Variants in NMT1 observed in about 807,000 individuals in gnomAD.
NMT1 encodes the protein N-myristoyltransferase 1.
Under a neutral mutation model 63.4 loss-of-function variants are expected in NMT1, and 12 were observed. The ratio of observed to expected loss-of-function variants is 0.19; its 90% CI spans 0.12 to 0.31. The LOEUF (loss-of-function observed/expected upper bound fraction) is 0.31. Ranked by LOEUF, NMT1 falls within the 10% of genes least tolerant of loss-of-function variation. NMT1 has a pLI of 1.00. For synonymous variants in NMT1, 228 were observed against 234.3 expected, an observed-to-expected ratio of 0.97 and a Z score of 0.25; for missense variants, 432 against 634.6, an observed-to-expected ratio of 0.68 and a Z score of 3.43.
rs755614283 is a variant in NMT1 at position 45,104,148 on chromosome 17, C to A, written c.1332+272C>A. 9.6e-6 allele frequency: 13 copies of A among 1,347,160 alleles called. No homozygotes were observed. The highest frequency in any genetic ancestry group is 1.5e-5 in the African/African-American group (1 of 67,756). 83.5% of individuals were successfully genotyped at this position (1,347,160 alleles called of 1,614,324 possible). On this transcript the variant is annotated intron_variant, in intron 10 of 11. Coordinates refer to ENST00000258960, the MANE Select transcript of NMT1 (RefSeq NM_021079.5). This position sits in a 1 kb window ranked among gnomAD's most constrained non-coding sequence, Gnocchi z 4.2. ...GGCGCCACCAAGGAGCCTGAATAGC[C>A]AGGCCTTCCCTGGGAGGACAGGGCT...
intron 1 of NMT1, among the ~76,000 whole-genome samples, chr17:45,067,740 A>G (rs1322889617): frequency 1.3e-5 from 2 of 152,208 alleles, no homozygotes; most frequent in Non-Finnish European, 1.5e-5. Context: ...CTCATCACTG[A>G]TATCAAATAA....
At chr17:45,064,400 G>A (rs768997474) in intron 1 of NMT1, among the ~76,000 whole-genome samples, 1 of 152,150 alleles carries the variant, frequency 6.6e-6, no homozygotes, top group Non-Finnish European at 1.5e-5. Flanking sequence ...TCTAATTCTG[G>A]CACTAAGAAT....
rs1156492977 is a variant in NMT1, at chr17:45,097,262, C to T, written c.713+18C>T. On this transcript the variant is annotated intron_variant, in intron 6 of 11. Coordinates refer to ENST00000258960, the MANE Select transcript of NMT1 (RefSeq NM_021079.5). The stretch of plus-strand genomic sequence containing the variant: ...TATGACACGTAAGCACCTGCACCTA[C>T]CCCCACCCCCCACAACACCGCCATC... 6.5e-7 allele frequency: 1 copy of T among 1,529,698 alleles called. No individual in the cohort carries two copies. Among genetic ancestry groups the T allele is most frequent in the South Asian group, 1.1e-5 (1 of 89,440 alleles). The allele number at this position is 1,529,698 out of a possible 1,614,324, so 94.8% of individuals were successfully genotyped here.
chr17:45,104,364 G>A lies in NMT1; in HGVS notation c.1332+488G>A. 8.7e-7 allele frequency: 1 copy of A among 1,144,846 alleles called. No homozygotes were observed. Among genetic ancestry groups the A allele is most frequent in the Non-Finnish European group, 1.1e-6 (1 of 923,620 alleles). 70.9% of individuals were successfully genotyped at this position (1,144,846 alleles called of 1,614,324 possible). A position where few individuals can be genotyped will look rare whatever the true frequency, so the allele number is the denominator to read the frequency against. On this transcript the variant is annotated intron_variant, in intron 10 of 11. Transcript: ENST00000258960. The surrounding 1 kb of genome is among the most constrained non-coding windows in gnomAD (Gnocchi z 4.2). ...TGGTCCCTGCCCTGTGAGAGCTTCT[G>A]CTCCAGTTGGTGAGGTTTAGGAAGC...
rs1324919529 is a variant in NMT1 at position 45,108,079 on chromosome 17, C to T, written c.*2440C>T. On this transcript the variant is annotated 3_prime_UTR_variant, in exon 12 of 12. Coordinates refer to ENST00000258960, the MANE Select transcript of NMT1 (RefSeq NM_021079.5). ...CAGGAGCCCTGCAGTGTGGTAGCGCCATGGCTGTCTCAAACCAAGCAAAGG... is the reference window on the plus strand; with the variant it reads ...CAGGAGCCCTGCAGTGTGGTAGCGCTATGGCTGTCTCAAACCAAGCAAAGG... The T allele has an allele frequency of 3.3e-5, 5 of 152,294 alleles. No homozygotes were observed. Among genetic ancestry groups the T allele is most frequent in the Non-Finnish European group, 5.9e-5 (4 of 68,090 alleles). 9.4% of individuals were successfully genotyped at this position (152,294 alleles called of 1,614,324 possible). A position where few individuals can be genotyped will look rare whatever the true frequency, so the allele number is the denominator to read the frequency against.
intron 2 of NMT1, among the ~76,000 whole-genome samples, chr17:45,085,439 C>T (rs958219459): frequency 2.6e-5 from 4 of 152,090 alleles, no homozygotes; most frequent in Admixed American, 6.6e-5. Context: ...GCAGTTTGTA[C>T]GATAATATTA....
intron 1 of NMT1, among the ~76,000 whole-genome samples, chr17:45,065,862 C>T (rs926387152): frequency 6.7e-6 from 1 of 148,236 alleles, no homozygotes; most frequent in Non-Finnish European, 1.5e-5. Flanking sequence ...TTCGAGCTAA[C>T]CCTTATTCTC....
intron 1 of NMT1, among the ~76,000 whole-genome samples, chr17:45,066,578 A>AC (rs969459379): frequency 3.3e-5 from 5 of 151,810 alleles, no homozygotes; most frequent in Admixed American, 6.6e-5. Flanking sequence ...ACATGGTGAG[A>AC]CCCCATCTCT....
chr17:45,096,157 C>A, intron 4 of NMT1, 37 bp from the exon 5 acceptor site: 1 of 1,514,956 alleles, frequency 6.6e-7, no homozygotes, highest in Non-Finnish European at 9.2e-7. Flanking sequence ...TACTACCTGG[C>A]AGAATACCTC....
intron 1 of NMT1, among the ~76,000 whole-genome samples, chr17:45,069,328 G>C (rs2053925288): frequency 6.6e-6 from 1 of 150,786 alleles, no homozygotes; most frequent in African/African-American, 2.4e-5. Context: ...GTCTCGCTCT[G>C]TTGCCCAGGC....
intron 2 of NMT1, among the ~76,000 whole-genome samples, chr17:45,084,657 G>A (rs973855586): frequency 8.6e-5 from 13 of 151,074 alleles, no homozygotes; most frequent in African/African-American, 2.7e-4. Context: ...AATAGGGACA[G>A]GGGTCTCACT....
In NMT1 at chr17:45,103,554, T is replaced by C. The variant is rs1020887869; in HGVS notation, c.1165-155T>C. 2.0e-5 allele frequency among the ~76,000 whole-genome samples: 3 copies of C among 152,156 alleles called. No individual in the cohort carries two copies. Among genetic ancestry groups the C allele is most frequent in the African/African-American group, 7.2e-5 (3 of 41,432 alleles). On this transcript the variant is annotated intron_variant, in intron 9 of 11. Coordinates refer to ENST00000258960, the MANE Select transcript of NMT1 (RefSeq NM_021079.5). This position sits in a 1 kb window ranked among gnomAD's most constrained non-coding sequence, Gnocchi z 4.8. ...TCTGTCCTCAAGTGCCCTGAGCCAATGTCCCTCCTCCTCCCCACATGTCCT... is the reference window on the plus strand; with the variant it reads ...TCTGTCCTCAAGTGCCCTGAGCCAACGTCCCTCCTCCTCCCCACATGTCCT...
At chr17:45,085,224 G>A (rs2054044453) in intron 2 of NMT1, among the ~76,000 whole-genome samples, 1 of 152,080 alleles carries the variant, frequency 6.6e-6, no homozygotes, top group South Asian at 2.1e-4. Context: ...CTGCACTCCA[G>A]CCTGGGCAAC....
At position 45,105,851 on chromosome 17, in the gene NMT1, G is replaced by A. The variant is rs1251272836; in HGVS notation, c.*212G>A. The A allele has an allele frequency of 1.8e-5, 10 of 546,448 alleles. No individual in the cohort carries two copies. Among genetic ancestry groups the A allele is most frequent in the East Asian group, 6.6e-5 (2 of 30,126 alleles). 33.8% of individuals were successfully genotyped at this position (546,448 alleles called of 1,614,324 possible). A position where few individuals can be genotyped will look rare whatever the true frequency, so the allele number is the denominator to read the frequency against. On this transcript the variant is annotated 3_prime_UTR_variant, in exon 12 of 12. Coordinates refer to ENST00000258960, the MANE Select transcript of NMT1 (RefSeq NM_021079.5). The surrounding 1 kb of genome is among the most constrained non-coding windows in gnomAD (Gnocchi z 4.2). ...ACCTCCGGTCGTGTCTCTGGTCTCC[G>A]TGTTTTCCAGTTAATTACATCCTCA...
intron 4 of NMT1, 101 bp from the exon 5 acceptor site, chr17:45,096,093 T>G: frequency 3.5e-6 from 3 of 868,822 alleles, no homozygotes; most frequent in Non-Finnish European, 3.8e-6. Context: ...TCGTTTTTGG[T>G]AGTTTGCTTC....
intron 1 of NMT1, among the ~76,000 whole-genome samples, chr17:45,064,881 G>T (rs8073198): frequency 0.11 from 16,908 of 152,080 alleles, 1,005 homozygotes; most frequent in Middle Eastern, 0.18. Context: ...CTTGGGAAAG[G>T]TACTTAACTC....
At chr17:45,085,318 T>C (rs1179836109) in intron 2 of NMT1, among the ~76,000 whole-genome samples, 5 of 152,050 alleles carry the variant, frequency 3.3e-5, no homozygotes, top group African/African-American at 1.2e-4. Flanking sequence ...AAAATGCCCA[T>C]GAGTAGGGGG....
chr17:45,105,991 T>TTAAATA lies in NMT1; in HGVS notation c.*354_*359dup, dbSNP rs1429876784. The TTAAATA allele has an allele frequency of 6.6e-6, 1 of 150,520 alleles. No individual in the cohort carries two copies. The highest frequency in any genetic ancestry group is 2.4e-5 in the African/African-American group (1 of 41,038). 9.3% of individuals were successfully genotyped at this position (150,520 alleles called of 1,614,324 possible). ...TATATATTATATATATATAAATATT[T>TTAAATA]TAAATATCTTTCATGTTCCAAATGT... On this transcript the variant is annotated 3_prime_UTR_variant, in exon 12 of 12. Transcript: ENST00000258960. The surrounding 1 kb of genome is among the most constrained non-coding windows in gnomAD (Gnocchi z 4.2).
At chr17:45,099,564 G>C in intron 8 of NMT1, 51 bp downstream of exon 8, 1 of 1,350,788 alleles carries the variant, frequency 7.4e-7, no homozygotes, top group Non-Finnish European at 1.1e-6. Flanking sequence ...GGCAAGGAGA[G>C]CCTGGCTGTC....
Sources: gnomAD v4.1 joint callset for allele counts (sites outside exome capture counted in the v4.1 genomes callset) on GRCh38, gnomAD v4.1.1 for gene constraint, Gnocchi (gnomAD v3.1) non-coding constraint, MANE v1.5 for transcripts, NCBI Gene and HGNC (gene_info 2026-07-23, HGNC 2026-07-21) for gene names.